Variants in TNIK observed in about 807,000 individuals in gnomAD.
TNIK encodes the protein TRAF2 and NCK interacting kinase, also known as TRAF2 and NCK-interacting protein kinase.
Under a neutral mutation model 191.3 loss-of-function variants are expected in TNIK, and 49 were observed. The ratio of observed to expected loss-of-function variants is 0.26; its 90% confidence interval spans 0.20 to 0.32. TNIK has a LOEUF of 0.32. Ranked by LOEUF, TNIK falls within the 10% of genes least tolerant of loss-of-function variation. The probability of loss-of-function intolerance (pLI) is 1.00; values close to 1 mark genes in which losing one functional copy is unlikely to be tolerated. For missense variants in TNIK, 1,155 were observed against 1,702.3 expected, an observed-to-expected ratio of 0.68 and a Z score of 5.66; for synonymous variants, 594 against 600.9, an observed-to-expected ratio of 0.99 and a Z score of 0.17.
At position 171,347,357 on chromosome 3, in the gene TNIK, C is replaced by A. The variant is rs1321531186; in HGVS notation, c.123+22263G>T. 5 of 798,946 alleles carry A rather than the reference C, an allele frequency of 6.3e-6. No individual in the cohort carries two copies. The South Asian group carries it at 9.2e-5, about 15-fold the overall frequency. The allele number at this position is 798,946 out of a possible 1,614,324, so 49.5% of individuals were successfully genotyped here. On this transcript the variant is annotated intron_variant, in intron 2 of 32. Transcript: ENST00000436636. Reference sequence around the variant, plus strand: ...ATGCCTGGTATACAAGTCCTAAGTGCCTGCAGAGCTGGCCCTCAGCTGAGA... The same window carrying A: ...ATGCCTGGTATACAAGTCCTAAGTGACTGCAGAGCTGGCCCTCAGCTGAGA...
At chr3:171,068,647 CCCCAATTTTAGGAAGT>C (rs1718770692) in intron 30 of TNIK, among the ~76,000 whole-genome samples, 185 bp downstream of exon 30, 1 of 152,088 alleles carries the variant, frequency 6.6e-6, no homozygotes, top group African/African-American at 2.4e-5. Context: ...ATTATGTATT[CCCCAATTTTAGGAAGT>C]CATAAAAATT....
intron 2 of TNIK, among the ~76,000 whole-genome samples, chr3:171,268,573 G>A (rs1748686992): frequency 6.6e-6 from 1 of 151,964 alleles, no homozygotes; most frequent in South Asian, 2.1e-4. Flanking sequence ...TGCTTTAACT[G>A]ATGTCCAGCT....
intron 1 of TNIK, among the ~76,000 whole-genome samples, chr3:171,406,943 AAAG>A (rs900371251): frequency 8.5e-5 from 13 of 152,222 alleles, no homozygotes; most frequent in African/African-American, 3.1e-4. Context: ...TACCTTGAAG[AAAG>A]AAGGGAAGAA....
intron 1 of TNIK, among the ~76,000 whole-genome samples, chr3:171,431,290 C>T (rs970094697): frequency 2.0e-5 from 3 of 152,088 alleles, no homozygotes; most frequent in Non-Finnish European, 4.4e-5. Flanking sequence ...AAACAGAATA[C>T]AGTGGTAGCT....
Position 171,063,733 on chromosome 3 carries a change from T to C in TNIK, c.*148A>G. 3 of 715,084 alleles carry C rather than the reference T, an allele frequency of 4.2e-6. No individual in the cohort carries two copies. Among genetic ancestry groups the C allele is most frequent in the Non-Finnish European group, 6.9e-6 (3 of 433,478 alleles). The allele number at this position is 715,084 out of a possible 1,614,324, so 44.3% of individuals were successfully genotyped here. ...TGCAACATTGAAAGATGGACTGTACTGGGAGGGGCGGAGGGAGAGGAAAAA... is the reference window on the plus strand; with the variant it reads ...TGCAACATTGAAAGATGGACTGTACCGGGAGGGGCGGAGGGAGAGGAAAAA... On this transcript the variant is annotated 3_prime_UTR_variant, in exon 33 of 33. Transcript: ENST00000436636.
At chr3:171,104,373 T>TGGTAATTTATTA (rs527648803) in intron 21 of TNIK, among the ~76,000 whole-genome samples, 16 of 151,730 alleles carry the variant, frequency 1.1e-4, no homozygotes, top group Admixed American at 5.9e-4. Flanking sequence ...TGAGCCTTCT[T>TGGTAATTTATTA]GGTAATTTAT....
chr3:171,113,045 G>C (rs1480601932), intron 18 of TNIK, among the ~76,000 whole-genome samples: 1 of 152,178 alleles, frequency 6.6e-6, no homozygotes, highest in African/African-American at 2.4e-5. Flanking sequence ...AAGTAAATGT[G>C]ATGGTCCATT....
chr3:171,375,065 T>G (rs1208581702), intron 1 of TNIK, among the ~76,000 whole-genome samples: 1 of 152,212 alleles, frequency 6.6e-6, no homozygotes, highest in Non-Finnish European at 1.5e-5. Flanking sequence ...GTTTACCACC[T>G]GGTAGCTCTC....
intron 1 of TNIK, among the ~76,000 whole-genome samples, chr3:171,421,343 A>C (rs941859252): frequency 2.0e-5 from 3 of 152,340 alleles, no homozygotes; most frequent in Middle Eastern, 3.4e-3. Flanking sequence ...GAACTGACCC[A>C]TTGTGATAAA....
intron 3 of TNIK, among the ~76,000 whole-genome samples, chr3:171,221,770 A>T (rs1007342242): frequency 5.9e-5 from 9 of 151,928 alleles, no homozygotes; most frequent in African/African-American, 2.2e-4. Flanking sequence ...GCTACATACT[A>T]TTCAGGGTAA....
intron 1 of TNIK, among the ~76,000 whole-genome samples, chr3:171,448,616 CAT>C (rs1321735796): frequency 7.0e-6 from 1 of 143,082 alleles, no homozygotes; most frequent in Non-Finnish European, 1.5e-5. Flanking sequence ...TTCTCTTGGG[CAT>C]ATACTTAGGA....
At chr3:171,383,832 T>G (rs996180723) in intron 1 of TNIK, among the ~76,000 whole-genome samples, 8 of 152,188 alleles carry the variant, frequency 5.3e-5, no homozygotes, top group Admixed American at 2.0e-4. Context: ...GACTAAAAAC[T>G]AGATTACATT....
intron 2 of TNIK, among the ~76,000 whole-genome samples, chr3:171,257,987 C>G (rs1374780885): frequency 1.3e-5 from 2 of 152,100 alleles, no homozygotes; most frequent in Admixed American, 1.3e-4. Flanking sequence ...GGAGATTGTC[C>G]CTAGCCACTA....
intron 2 of TNIK, among the ~76,000 whole-genome samples, chr3:171,307,735 G>C (rs1753601437): frequency 6.6e-6 from 1 of 152,050 alleles, no homozygotes; most frequent in Non-Finnish European, 1.5e-5. Flanking sequence ...CAATGGTCTG[G>C]GATGGTTCTC....
intron 1 of TNIK, among the ~76,000 whole-genome samples, chr3:171,386,912 T>C (rs1718809383): frequency 1.3e-5 from 2 of 152,190 alleles, no homozygotes; most frequent in South Asian, 4.1e-4. Flanking sequence ...GGGAATAAGA[T>C]TCTTCAAAAA....
At chr3:171,101,768 G>T in intron 21 of TNIK, 135 bp from the exon 22 acceptor site, 2 of 762,920 alleles carry the variant, frequency 2.6e-6, no homozygotes, top group Non-Finnish European at 4.1e-6. Flanking sequence ...CATAGTTACT[G>T]CATGGAACTA....
intron 12 of TNIK, among the ~76,000 whole-genome samples, chr3:171,146,152 G>A (rs1479237980): frequency 1.3e-5 from 2 of 152,104 alleles, no homozygotes; most frequent in African/African-American, 2.4e-5. Flanking sequence ...GACCGCCCTG[G>A]GCAACAGCGC....
At chr3:171,274,395 C>A (rs1191185762) in intron 2 of TNIK, among the ~76,000 whole-genome samples, 1 of 152,174 alleles carries the variant, frequency 6.6e-6, no homozygotes. Context: ...CCAGGAAGGA[C>A]TGGAAACCAC....
At chr3:171,428,407 A>G (rs1299124458) in intron 1 of TNIK, among the ~76,000 whole-genome samples, 1 of 152,218 alleles carries the variant, frequency 6.6e-6, no homozygotes, top group Admixed American at 6.5e-5. Context: ...CTGTATTGAG[A>G]TAAGCAAGAC....
Sources: gnomAD v4.1 joint callset for allele counts (sites outside exome capture counted in the v4.1 genomes callset) on GRCh38, gnomAD v4.1.1 for gene constraint, MANE v1.5 for transcripts, NCBI Gene and HGNC (gene_info 2026-07-23, HGNC 2026-07-21) for gene names.